The following ORC3 variants were observed in gnomAD, a reference collection of about 807,000 sequenced individuals.
The protein encoded by ORC3 is origin recognition complex subunit 3, also known as homolog of latheo, Drosophila.
A neutral mutation model predicts 100.7 loss-of-function variants in ORC3; 78 were observed. The ratio of observed to expected loss-of-function variants is 0.77; its 90% CI spans 0.65 to 0.94. ORC3 has a LOEUF of 0.94. ORC3 is among the 40% of genes least tolerant of loss of function. The pLI is 0.00. For synonymous variants in ORC3, 295 were observed against 289.3 expected, an observed-to-expected ratio of 1.02 and a Z score of -0.20; for missense variants, 789 against 823.9, an observed-to-expected ratio of 0.96 and a Z score of 0.52.
At chr6:87,594,018 C>T (rs920285866) in intron 1 of ORC3, among the ~76,000 whole-genome samples, 1 of 152,148 alleles carries the variant, frequency 6.6e-6, no homozygotes, top group African/African-American at 2.4e-5. Flanking sequence ...AGTATTAATT[C>T]CTTTAAGTTT....
chr6:87,604,751 A>G (rs1778208566), intron 4 of ORC3, among the ~76,000 whole-genome samples: 1 of 152,214 alleles, frequency 6.6e-6, no homozygotes, highest in East Asian at 1.9e-4. Flanking sequence ...TATTATAATC[A>G]TAGACCATAA....
the ORC3 span, among the ~76,000 whole-genome samples, chr6:87,673,352 A>G: frequency 1.3e-5 from 2 of 151,926 alleles, no homozygotes; most frequent in Non-Finnish European, 1.5e-5. Context: ...TTTGTCCCTC[A>G]GGGACATTTG....
At chr6:87,672,726 C>T in the ORC3 span, among the ~76,000 whole-genome samples, 1 of 152,176 alleles carries the variant, frequency 6.6e-6, no homozygotes, top group Non-Finnish European at 1.5e-5. Context: ...AGCCTGAGAA[C>T]CTTCTACCAT....
At chr6:87,645,189 T>C (rs1160885640) in intron 13 of ORC3, among the ~76,000 whole-genome samples, 1 of 152,174 alleles carries the variant, frequency 6.6e-6, no homozygotes, top group African/African-American at 2.4e-5. Flanking sequence ...TCCTTACCTA[T>C]ACAGAATTTT....
At chr6:87,618,034 A>G (rs1779281354) in intron 9 of ORC3, among the ~76,000 whole-genome samples, 1 of 152,250 alleles carries the variant, frequency 6.6e-6, no homozygotes, top group Non-Finnish European at 1.5e-5. Context: ...CTTTAATTTC[A>G]TTTCATTCAT....
intron 9 of ORC3, among the ~76,000 whole-genome samples, chr6:87,619,316 C>G (rs1779375128): frequency 2.0e-5 from 3 of 152,186 alleles, no homozygotes; most frequent in African/African-American, 7.2e-5. Context: ...TAAAATAAAG[C>G]AATCAGATTA....
At chr6:87,639,337 T>C (rs1484634955) in intron 13 of ORC3, among the ~76,000 whole-genome samples, 4 of 152,144 alleles carry the variant, frequency 2.6e-5, no homozygotes, top group African/African-American at 9.7e-5. Flanking sequence ...GGGAAGAACA[T>C]GGAAGAAAAG....
In ORC3 at chr6:87,613,917, C is replaced by A. The variant is rs2128256832; in HGVS notation, c.873+1669C>A. Among the ~76,000 whole-genome samples the A allele has an allele frequency of 1.3e-5, 2 of 152,328 alleles. 1 individual carries two copies. The highest frequency in any genetic ancestry group is 4.1e-4 in the South Asian group (2 of 4,834). Reference sequence around the variant, plus strand: ...TAAGTGTCTGCAGCTTTTCCAGGCACACGGTGCAAGCTGTTGGTGGATCTA... The same window carrying A: ...TAAGTGTCTGCAGCTTTTCCAGGCAAACGGTGCAAGCTGTTGGTGGATCTA... On this transcript the variant is annotated intron_variant, in intron 8 of 19. Coordinates refer to ENST00000392844, the MANE Select transcript of ORC3 (RefSeq NM_012381.4).
chr6:87,676,705 G>A, the ORC3 span, among the ~76,000 whole-genome samples: 1 of 151,438 alleles, frequency 6.6e-6, no homozygotes, highest in East Asian at 1.9e-4. Flanking sequence ...GCTTGAGCCC[G>A]GGAGGCAGAG....
chr6:87,636,428 T>G lies in ORC3; in HGVS notation c.1324T>G (p.Cys442Gly). ...GRQIRELYCT[C>G]LEKNIWDSEE... is the part of the protein sequence containing the mutation. ...ACAGATCAGAGAGTTGTACTGTACATGTTTAGAAAAGAACATATGGGATTC... is the reference window on the plus strand; with the variant it reads ...ACAGATCAGAGAGTTGTACTGTACAGGTTTAGAAAAGAACATATGGGATTC... The change falls in exon 13 of 20, where the codon TGT (cysteine) becomes GGT (glycine). Residue 442 changes from cysteine (C) to glycine (G), a missense_variant. Cys to Gly is a radical substitution (Grantham distance 159). Around this residue, in one of 3 missense-constraint regions of ORC3, gnomAD observed 366 missense variants for 394.2 expected, o/e 0.93. Transcript: ENST00000392844. 6.2e-7 allele frequency: 1 copy of G among 1,609,472 alleles called. No homozygotes were observed. Among genetic ancestry groups the G allele is most frequent in the Non-Finnish European group, 8.5e-7 (1 of 1,175,748 alleles).
In ORC3 at chr6:87,634,991, T is replaced by A. The variant is rs770848426; in HGVS notation, c.1302+30T>A. On this transcript the variant is annotated intron_variant, in intron 12 of 19. Coordinates refer to ENST00000392844, the MANE Select transcript of ORC3 (RefSeq NM_012381.4). ...TCCAAGCCTCCTCATTTGTAATCCA[T>A]GAAGTAGGAATGTTAGTATTTTCTT... 1.1e-5 allele frequency: 12 copies of A among 1,076,784 alleles called. 2 individuals are homozygous for A. In the South Asian group the frequency reaches 1.5e-4, roughly 13 times the overall value. 66.7% of individuals were successfully genotyped at this position (1,076,784 alleles called of 1,614,324 possible). A position where few individuals can be genotyped will look rare whatever the true frequency, so the allele number is the denominator to read the frequency against.
intron 11 of ORC3, among the ~76,000 whole-genome samples, chr6:87,623,166 A>G (rs1779650583): frequency 6.6e-6 from 1 of 152,236 alleles, no homozygotes; most frequent in South Asian, 2.1e-4. Context: ...GTTTCCCTCC[A>G]TTGGTAATTT....
At chr6:87,602,341 G>A (rs1299983669) in intron 3 of ORC3, among the ~76,000 whole-genome samples, 1 of 152,156 alleles carries the variant, frequency 6.6e-6, no homozygotes, top group Non-Finnish European at 1.5e-5. Context: ...TATCCTTTCA[G>A]GTATACAACT....
chr6:87,633,189 T>C (rs1767559998), intron 11 of ORC3, among the ~76,000 whole-genome samples: 1 of 152,244 alleles, frequency 6.6e-6, no homozygotes, highest in Non-Finnish European at 1.5e-5. Flanking sequence ...GTGTGATTAC[T>C]CAGTAATAGA....
At chr6:87,638,616 T>A (rs1440228834) in intron 13 of ORC3, among the ~76,000 whole-genome samples, 1 of 152,230 alleles carries the variant, frequency 6.6e-6, no homozygotes, top group African/African-American at 2.4e-5. Flanking sequence ...CAAAGTCCTC[T>A]AAAATTTGAA....
the ORC3 span, among the ~76,000 whole-genome samples, chr6:87,674,016 TAA>T: frequency 6.6e-6 from 1 of 151,282 alleles, no homozygotes; most frequent in Non-Finnish European, 1.5e-5. Context: ...AAGCTAAAAA[TAA>T]AAGAGGTCTG....
intron 13 of ORC3, among the ~76,000 whole-genome samples, chr6:87,640,720 ATC>A (rs750004923): frequency 7.2e-5 from 11 of 152,220 alleles, no homozygotes; most frequent in Admixed American, 2.0e-4. Context: ...CTGAACACCC[ATC>A]TAGAAATCAA....
At chr6:87,655,144 G>T (rs918957598) in intron 14 of ORC3, among the ~76,000 whole-genome samples, 2 of 152,072 alleles carry the variant, frequency 1.3e-5, no homozygotes, top group African/African-American at 4.8e-5. Flanking sequence ...TACAGTTTGG[G>T]TTTAAAATTA....
chr6:87,663,871 A>C (rs557264334), intron 17 of ORC3, among the ~76,000 whole-genome samples: 1 of 152,216 alleles, frequency 6.6e-6, no homozygotes, highest in South Asian at 2.1e-4. Flanking sequence ...ATAAATACTT[A>C]AGAAACAACT....
Sources: allele counts gnomAD v4.1 joint callset (sites outside exome capture counted in the v4.1 genomes callset), GRCh38; gene constraint gnomAD v4.1.1; regional missense constraint gnomAD v4.1.1; transcripts MANE v1.5; gene names NCBI Gene and HGNC (gene_info 2026-07-23, HGNC 2026-07-21).